Variants in KCND2 observed in about 807,000 individuals in gnomAD.
The protein encoded by KCND2 is A-type voltage-gated potassium channel KCND2.
Under a neutral mutation model 54.4 loss-of-function variants are expected in KCND2, and 16 were observed. The ratio of observed to expected loss-of-function variants is 0.29; its 90% CI spans 0.20 to 0.45. The LOEUF (loss-of-function observed/expected upper bound fraction) is 0.45, where lower values mean the gene tolerates loss of function less well. KCND2 is among the 20% of genes least tolerant of loss of function. KCND2 has a pLI of 1.00. For missense variants in KCND2, 486 were observed against 824.2 expected (o/e 0.59, Z 5.02); for synonymous variants, 317 against 310.7 (o/e 1.02, Z -0.21).
intron 2 of KCND2, among the ~76,000 whole-genome samples, chr7:120,741,316 T>G (rs1231708359): frequency 2.6e-5 from 4 of 152,286 alleles, no homozygotes; most frequent in Non-Finnish European, 1.5e-5. Context: ...CTTAAAGGCA[T>G]AAGCCAGCTC....
chr7:120,372,888 A>G (rs1800783662), intron 1 of KCND2, among the ~76,000 whole-genome samples: 1 of 151,950 alleles, frequency 6.6e-6, no homozygotes, highest in South Asian at 2.1e-4. Flanking sequence ...CAGCCTTTCA[A>G]CTACAAGTCT....
intron 1 of KCND2, among the ~76,000 whole-genome samples, chr7:120,336,415 CATCTTGTGAT>C (rs1431577630): frequency 6.6e-6 from 1 of 152,052 alleles, no homozygotes; most frequent in East Asian, 1.9e-4. Context: ...TGACACGGTC[CATCTTGTGAT>C]TGCATGTGTA....
intron 1 of KCND2, among the ~76,000 whole-genome samples, chr7:120,369,230 T>C (rs1800730592): frequency 6.6e-6 from 1 of 152,018 alleles, no homozygotes; most frequent in South Asian, 2.1e-4. Context: ...ACAATCAGCT[T>C]TGTTGTCCTA....
At chr7:120,378,352 A>G (rs989174621) in intron 1 of KCND2, among the ~76,000 whole-genome samples, 2 of 151,910 alleles carry the variant, frequency 1.3e-5, no homozygotes, top group African/African-American at 2.4e-5. Context: ...TGATAAGAAC[A>G]TTTGAAATGT....
intron 1 of KCND2, among the ~76,000 whole-genome samples, chr7:120,706,145 A>G (rs79397232): frequency 7.1e-4 from 108 of 152,222 alleles, no homozygotes; most frequent in African/African-American, 2.4e-3. Flanking sequence ...GTCACACAAA[A>G]TGCTTGTTAC....
chr7:120,749,028 T>G lies in KCND2; in HGVS notation c.*1170T>G, dbSNP rs1461305866. ...TTTGTTGTTTATGGAAAAGCCCAGA[T>G]ACTGGATATATCACTATGTATTTTA... On this transcript the variant is annotated 3_prime_UTR_variant, in exon 6 of 6. Transcript: ENST00000331113. The G allele has an allele frequency of 6.6e-6, 1 of 151,976 alleles. No homozygotes were observed. Among genetic ancestry groups the G allele is most frequent in the Non-Finnish European group, 1.5e-5 (1 of 67,866 alleles). The allele number at this position is 151,976 out of a possible 1,614,324, so 9.4% of individuals were successfully genotyped here.
At chr7:120,281,372 C>T (rs535262991) in intron 1 of KCND2, among the ~76,000 whole-genome samples, 49 of 150,880 alleles carry the variant, frequency 3.2e-4, no homozygotes, top group African/African-American at 1.1e-3. Flanking sequence ...ATAAGCATTG[C>T]TCTCCCACTA....
chr7:120,590,034 A>C (rs997072777), intron 1 of KCND2, among the ~76,000 whole-genome samples: 2 of 151,976 alleles, frequency 1.3e-5, no homozygotes, highest in Non-Finnish European at 2.9e-5. Context: ...TTTGTTTTTG[A>C]GACGGAGTCT....
chr7:120,538,008 T>C (rs1388819802), intron 1 of KCND2, among the ~76,000 whole-genome samples: 3 of 152,244 alleles, frequency 2.0e-5, no homozygotes, highest in Non-Finnish European at 4.4e-5. Context: ...TTGACTGTTT[T>C]GGGCAAGAGG....
chr7:120,595,555 G>A (rs1281076548), intron 1 of KCND2, among the ~76,000 whole-genome samples: 4 of 133,966 alleles, frequency 3.0e-5, no homozygotes, highest in South Asian at 4.7e-4. Flanking sequence ...ATGTGTGTGT[G>A]TATATATATG....
At chr7:120,636,978 A>C (rs916866349) in intron 1 of KCND2, among the ~76,000 whole-genome samples, 2 of 152,144 alleles carry the variant, frequency 1.3e-5, no homozygotes, top group African/African-American at 4.8e-5. Flanking sequence ...TTGTGGCTCC[A>C]TTATGTAGAC....
intron 1 of KCND2, among the ~76,000 whole-genome samples, chr7:120,511,974 T>C (rs1803122530): frequency 6.6e-6 from 1 of 152,102 alleles, no homozygotes; most frequent in African/African-American, 2.4e-5. Context: ...TTCATTCAGT[T>C]CTTGGAGCAA....
At chr7:120,315,738 G>A (rs1050054503) in intron 1 of KCND2, among the ~76,000 whole-genome samples, 1 of 149,708 alleles carries the variant, frequency 6.7e-6, no homozygotes, top group South Asian at 2.1e-4. Flanking sequence ...AGTGAGACAC[G>A]AAATGTTTTG....
intron 1 of KCND2, among the ~76,000 whole-genome samples, chr7:120,321,422 C>T (rs1799891850): frequency 6.6e-6 from 1 of 152,152 alleles, no homozygotes; most frequent in African/African-American, 2.4e-5. Flanking sequence ...GCATGAGCCA[C>T]TGCTCCTGGC....
intron 1 of KCND2, among the ~76,000 whole-genome samples, chr7:120,310,299 A>T (rs1313018323): frequency 6.6e-6 from 1 of 152,244 alleles, no homozygotes; most frequent in East Asian, 1.9e-4. Flanking sequence ...ATATGAACAA[A>T]TACAATCATA....
intron 1 of KCND2, among the ~76,000 whole-genome samples, chr7:120,552,388 TC>T (rs1325625409): frequency 6.6e-6 from 1 of 152,202 alleles, no homozygotes; most frequent in African/African-American, 2.4e-5. Context: ...TTTCTACCTT[TC>T]TAGTTTCTTG....
At chr7:120,745,341 C>T (rs1477225171) in intron 4 of KCND2, among the ~76,000 whole-genome samples, 1 of 152,108 alleles carries the variant, frequency 6.6e-6, no homozygotes, top group East Asian at 1.9e-4. Context: ...ATATAACAGA[C>T]AATCTAACTT....
chr7:120,630,033 A>G (rs1793214064), intron 1 of KCND2, among the ~76,000 whole-genome samples: 1 of 142,124 alleles, frequency 7.0e-6, no homozygotes, highest in Non-Finnish European at 1.6e-5. Flanking sequence ...TATCGTAATT[A>G]AAGGCCTAGC....
Position 120,273,424 on chromosome 7 carries a change from C to T in KCND2, c.-1209C>T, listed in dbSNP as rs542683590. On this transcript the variant is annotated 5_prime_UTR_variant, in exon 1 of 6. Transcript: ENST00000331113. Reference sequence around the variant, plus strand: ...CCGCCCGCCCGGCCGCCCCGCAGCCCCGCCGCCCCGCAGCCCCGCACCGCG... The same window carrying T: ...CCGCCCGCCCGGCCGCCCCGCAGCCTCGCCGCCCCGCAGCCCCGCACCGCG... 2.9e-3 allele frequency among the ~76,000 whole-genome samples: 429 copies of T among 148,046 alleles called. 3 individuals are homozygous for T. The highest frequency in any genetic ancestry group is 0.015 in the Admixed American group (230 of 14,882).
Sources: gnomAD v4.1 joint callset for allele counts (sites outside exome capture counted in the v4.1 genomes callset) on GRCh38, gnomAD v4.1.1 for gene constraint, MANE v1.5 for transcripts, NCBI Gene and HGNC (gene_info 2026-07-23, HGNC 2026-07-21) for gene names.